ERGIC3: variants seen among roughly 807,000 people sequenced by gnomAD.
The protein encoded by ERGIC3 is endoplasmic reticulum-Golgi intermediate compartment protein 3.
A neutral mutation model predicts 54.7 loss-of-function variants in ERGIC3; 33 were observed. The ratio of observed to expected loss-of-function variants is 0.60; its 90% CI spans 0.46 to 0.81. The LOEUF (loss-of-function observed/expected upper bound fraction) is 0.81. ERGIC3 is among the 30% of genes least tolerant of loss of function. The pLI, the probability that ERGIC3 is intolerant of heterozygous loss-of-function variation, is 0.00. For missense variants in ERGIC3, 399 were observed against 488.4 expected, an observed-to-expected ratio of 0.82 and a Z score of 1.73; for synonymous variants, 186 against 189.8, an observed-to-expected ratio of 0.98 and a Z score of 0.16.
At chr20:35,555,191 C>T (rs1031553170) in intron 8 of ERGIC3, 116 bp downstream of exon 8, 16 of 1,203,692 alleles carry the variant, frequency 1.3e-5, no homozygotes, top group South Asian at 6.3e-5. Context: ...AAATACACCA[C>T]GTTCTGAATG....
At position 35,557,217 on chromosome 20, in the gene ERGIC3, G is replaced by A; in HGVS notation, c.1040G>A (p.Gly347Asp). ...AGGTCCTTCACCCACTTCCTGACAGGTGTGTGCGCCATCATTGGGGGCATG... is the reference window on the plus strand; with the variant it reads ...AGGTCCTTCACCCACTTCCTGACAGATGTGTGCGCCATCATTGGGGGCATG... ...KHRSFTHFLT[G>D]VCAIIGGMFT... The change falls in exon 12 of 13, where the codon GGT becomes GAT. Residue 347 changes from glycine to aspartate, a missense_variant. By Grantham distance (94) the Gly-to-Asp change is moderately conservative. Coordinates refer to ENST00000348547, the MANE Select transcript of ERGIC3 (RefSeq NM_015966.3). 1.9e-6 allele frequency: 3 copies of A among 1,614,192 alleles called. No homozygotes were observed. The highest frequency in any genetic ancestry group is 1.1e-5 in the South Asian group (1 of 91,082).
chr20:35,548,912 C>G (rs2064666923), intron 7 of ERGIC3, 47 bp downstream of exon 7: 1 of 1,604,050 alleles, frequency 6.2e-7, no homozygotes, highest in South Asian at 1.1e-5. Flanking sequence ...TGGCCACCTT[C>G]TTGGTGAGCT....
At chr20:35,542,704 C>T (rs2064622151) in intron 3 of ERGIC3, 104 bp downstream of exon 3, 1 of 1,597,430 alleles carries the variant, frequency 6.3e-7, no homozygotes, top group Non-Finnish European at 8.6e-7. Context: ...CCCAGGACAA[C>T]CTCCTTCTCC....
Position 35,553,020 on chromosome 20 carries a change from A to ATTTTTTTT in ERGIC3, c.686-2003_686-1996dup, listed in dbSNP as rs141438822. Among the ~76,000 whole-genome samples, 208 of 41,558 alleles carry ATTTTTTTT rather than the reference A, an allele frequency of 5.0e-3. 77 individuals are homozygous for ATTTTTTTT. The highest frequency in any genetic ancestry group is 6.1e-3 in the Non-Finnish European group (140 of 22,884). The allele number at this position is 41,558 out of a possible 152,430, so 27.3% of individuals were successfully genotyped here. On this transcript the variant is annotated intron_variant, in intron 7 of 12. Coordinates refer to ENST00000348547, the MANE Select transcript of ERGIC3 (RefSeq NM_015966.3). ...TTTGCCCTGAGCTTCAAAGCTGGGG[A>ATTTTTTTT]TTTTTTTTTTTTTTTTTTTTTTTTT...
chr20:35,556,440 G>A, intron 10 of ERGIC3, 169 bp downstream of exon 10: 1 of 688,264 alleles, frequency 1.5e-6, no homozygotes. Context: ...CAGAGTGCAG[G>A]CCTGGGGCTG....
chr20:35,545,429 T>TG (rs2147303927), intron 4 of ERGIC3: 1 of 150,050 alleles, frequency 6.7e-6, no homozygotes, highest in Admixed American at 6.6e-5. Flanking sequence ...TAGCCGGGTG[T>TG]GGTGGTGGGC....
intron 4 of ERGIC3, chr20:35,543,788 G>C: frequency 2.2e-6 from 1 of 455,040 alleles, no homozygotes; most frequent in South Asian, 1.6e-5. Flanking sequence ...TTGAGATGGA[G>C]ATGACTGGAG....
At chr20:35,551,845 C>T (rs78653843) in intron 7 of ERGIC3, among the ~76,000 whole-genome samples, 7,950 of 151,990 alleles carry the variant, frequency 0.052, 319 homozygotes, top group African/African-American at 0.11. Context: ...AGAGTGGGTT[C>T]GGGAGGGAAT....
intron 5 of ERGIC3, among the ~76,000 whole-genome samples, chr20:35,548,082 G>T (rs562814516): frequency 6.6e-6 from 1 of 152,104 alleles, no homozygotes; most frequent in African/African-American, 2.4e-5. Context: ...ATTTTTAAGT[G>T]TGCAACTCAG....
At chr20:35,556,346 G>T (rs745347927) in intron 10 of ERGIC3, 75 bp downstream of exon 10, 13 of 1,519,932 alleles carry the variant, frequency 8.6e-6, no homozygotes, top group Non-Finnish European at 1.1e-5. Context: ...CGTTCCGTCA[G>T]CCTGGGGAGT....
At position 35,557,260 on chromosome 20, in the gene ERGIC3, C is replaced by T. The variant is rs1208577613; in HGVS notation, c.1072+11C>T. ...GGGGCATGTTCACAGGTAAGAGGCC[C>T]AGGGCGTCTGTGAGCTGTGGGGTGG... On this transcript the variant is annotated intron_variant, in intron 12 of 12. Transcript: ENST00000348547. The T allele has an allele frequency of 6.2e-7, 1 of 1,614,066 alleles. No individual in the cohort carries two copies. Among genetic ancestry groups the T allele is most frequent in the African/African-American group, 1.3e-5 (1 of 75,022 alleles).
intron 4 of ERGIC3, chr20:35,547,173 A>G (rs780915171): frequency 9.7e-6 from 4 of 413,060 alleles, no homozygotes; most frequent in East Asian, 8.9e-5. Context: ...TGTGAAGTAC[A>G]GTGATCTGTA....
At chr20:35,548,900 G>A (rs2064666755) in intron 7 of ERGIC3, 35 bp downstream of exon 7, 1 of 1,611,396 alleles carries the variant, frequency 6.2e-7, no homozygotes, top group Non-Finnish European at 8.5e-7. Context: ...AGATTTAGAT[G>A]CTGGCCACCT....
chr20:35,542,504 C>A lies in ERGIC3; in HGVS notation c.160-9C>A, dbSNP rs200597943. The A allele has an allele frequency of 5.1e-5, 82 of 1,613,830 alleles. No homozygotes were observed. Among genetic ancestry groups the A allele is most frequent in the Non-Finnish European group, 4.3e-5 (51 of 1,180,000 alleles). On this transcript the variant is annotated splice_polypyrimidine_tract_variant and intron_variant, in intron 2 of 12. Transcript: ENST00000348547. ...GGGGCTAAGTCTTACTGAGGTAGCG[C>A]TGCCCCAGGTGCATCCTGAGCTCTA...
chr20:35,542,837 C>T lies in ERGIC3; in HGVS notation c.263C>T (p.Ala88Val), dbSNP rs1481224353. Residue 88 changes from alanine to valine, a missense_variant, in exon 4 of 13, where the codon GCC becomes GTC. Transcript: ENST00000348547. ...HMPCAYLSID[A>V]MDVAGEQQLD... is the part of the protein sequence containing the mutation. ...CTGCTTCCAGATCTGAGTATTGATG[C>T]CATGGATGTGGCCGGAGAACAGCAG... 1.2e-6 allele frequency: 2 copies of T among 1,613,972 alleles called. No individual in the cohort carries two copies. Among genetic ancestry groups the T allele is most frequent in the East Asian group, 4.5e-5 (2 of 44,890 alleles).
intron 10 of ERGIC3, 47 bp downstream of exon 10, chr20:35,556,318 AC>A (rs745824912): frequency 1.3e-5 from 20 of 1,597,586 alleles, no homozygotes; most frequent in Middle Eastern, 3.3e-4. Context: ...GGTGCCAAGC[AC>A]TGGAGTTCCT....
intron 4 of ERGIC3, among the ~76,000 whole-genome samples, chr20:35,546,222 G>A (rs372936160): frequency 2.0e-5 from 3 of 152,120 alleles, no homozygotes; most frequent in African/African-American, 7.2e-5. Flanking sequence ...GATGAAAATC[G>A]GATCAAAGAG....
intron 7 of ERGIC3, among the ~76,000 whole-genome samples, chr20:35,552,360 G>A (rs2064686274): frequency 6.6e-6 from 1 of 152,200 alleles, no homozygotes; most frequent in Admixed American, 6.5e-5. Context: ...GAGTAGGATT[G>A]ATGCAGCCCT....
rs35005239 is a variant in ERGIC3 at position 35,552,175 on chromosome 20, G to C, written c.686-2869G>C. ...GTAGGTACAGGTAGGGTGGTAGCTG[G>C]TGTGGCAGAAGTACATGGAGAGTCT... On this transcript the variant is annotated intron_variant, in intron 7 of 12. Coordinates refer to ENST00000348547, the MANE Select transcript of ERGIC3 (RefSeq NM_015966.3). Among the ~76,000 whole-genome samples the C allele has an allele frequency of 7.6e-3, 1,162 of 152,310 alleles. 10 individuals are homozygous for C. The highest frequency in any genetic ancestry group is 0.013 in the Non-Finnish European group (867 of 68,026).
Sources: gnomAD v4.1 joint callset for allele counts (sites outside exome capture counted in the v4.1 genomes callset) on GRCh38, gnomAD v4.1.1 for gene constraint, MANE v1.5 for transcripts, NCBI Gene and HGNC (gene_info 2026-07-23, HGNC 2026-07-21) for gene names.